ADAMTS17: variants seen among roughly 807,000 people sequenced by gnomAD.
ADAMTS17 encodes the protein A disintegrin and metalloproteinase with thrombospondin motifs 17.
In ADAMTS17, 113 loss-of-function variants were observed where a neutral mutation model predicts 141.5. That is an observed-to-expected ratio of 0.80 (90% CI 0.69 to 0.93). The LOEUF is 0.93. Ranked by LOEUF, ADAMTS17 falls within the 40% of genes least tolerant of loss-of-function variation. The pLI, the probability that ADAMTS17 is intolerant of heterozygous loss-of-function variation, is 0.00. For synonymous variants in ADAMTS17, 768 were observed against 630.6 expected, an observed-to-expected ratio of 1.22 and a Z score of -3.27; for missense variants, 1,659 against 1,517.9, an observed-to-expected ratio of 1.09 and a Z score of -1.54.
rs2046032853 is a variant in ADAMTS17, at chr15:100,330,951, G to A, written c.554C>T (p.Ser185Phe). 1 of 1,614,140 alleles carries A rather than the reference G, an allele frequency of 6.2e-7. No homozygotes were observed. ...CTCAGCAGAAGGGCTGGGGGTCAAG[G>A]ACCATTTGCGCCTGATCAGATGTTC... ...GREHLIRRKW[S>F]LTPSPSAEAQ... Residue 185 changes from serine to phenylalanine, a missense_variant, in exon 3 of 22, where the codon TCC becomes TTC. Transcript: ENST00000268070.
intron 7 of ADAMTS17, among the ~76,000 whole-genome samples, chr15:100,220,459 G>C (rs971856198): frequency 4.6e-5 from 7 of 152,160 alleles, no homozygotes; most frequent in African/African-American, 9.7e-5. Context: ...CCTCCACTTA[G>C]ATGTAACAAC....
chr15:100,238,045 C>T (rs2042712424), intron 7 of ADAMTS17, among the ~76,000 whole-genome samples: 1 of 152,218 alleles, frequency 6.6e-6, no homozygotes. Context: ...CCCAAGGGTA[C>T]CCAGCTTGCT....
intron 8 of ADAMTS17, among the ~76,000 whole-genome samples, chr15:100,185,376 T>C (rs188159493): frequency 6.6e-6 from 1 of 152,338 alleles, no homozygotes; most frequent in African/African-American, 2.4e-5. Flanking sequence ...TTACTACACC[T>C]GTGAACCCAC....
At chr15:100,114,841 C>G (rs7177081) in intron 13 of ADAMTS17, among the ~76,000 whole-genome samples, 103,698 of 152,132 alleles carry the variant, frequency 0.68, 36,338 homozygotes, top group African/African-American at 0.85. Flanking sequence ...GGCAACGAAA[C>G]AGTCCAGCCA....
At chr15:100,061,297 C>G (rs1375988146) in intron 15 of ADAMTS17, among the ~76,000 whole-genome samples, 1 of 152,196 alleles carries the variant, frequency 6.6e-6, no homozygotes, top group Non-Finnish European at 1.5e-5. Flanking sequence ...AGACACCAAG[C>G]CCCCTGAAGC....
intron 12 of ADAMTS17, among the ~76,000 whole-genome samples, chr15:100,131,289 A>G (rs1231710183): frequency 6.6e-6 from 1 of 151,490 alleles, no homozygotes; most frequent in Non-Finnish European, 1.5e-5. Flanking sequence ...TGATGGGTGC[A>G]GCAAACCACC....
At chr15:99,977,384 ATATATATATATATATAATTTT>A (rs2060376992) in intron 20 of ADAMTS17, among the ~76,000 whole-genome samples, 1 of 14,778 alleles carries the variant, frequency 6.8e-5, no homozygotes, top group African/African-American at 2.7e-4. Flanking sequence ...ATATATATAT[ATATATATATATATATAATTTT>A]TTTTTTTTTT....
At position 100,223,737 on chromosome 15, in the gene ADAMTS17, T is replaced by C. The variant is rs193167074; in HGVS notation, c.1076-24314A>G. On this transcript the variant is annotated intron_variant, in intron 7 of 21. Coordinates refer to ENST00000268070, the MANE Select transcript of ADAMTS17 (RefSeq NM_139057.4). ...TATACATATAGTGTATATATACACA[T>C]GTATGTGTATATATATATACACACA... Among the ~76,000 whole-genome samples, 711 of 144,116 alleles carry C rather than the reference T, an allele frequency of 4.9e-3. 11 individuals carry two copies. Among genetic ancestry groups the C allele is most frequent in the African/African-American group, 0.02 (698 of 35,264 alleles). The allele number at this position is 144,116 out of a possible 152,430, so 94.5% of individuals were successfully genotyped here. A position where few individuals can be genotyped will look rare whatever the true frequency, so the allele number is the denominator to read the frequency against.
intron 15 of ADAMTS17, among the ~76,000 whole-genome samples, chr15:100,056,453 G>A (rs1318809377): frequency 6.6e-6 from 1 of 151,694 alleles, no homozygotes; most frequent in Non-Finnish European, 1.5e-5. Flanking sequence ...AAGTGGGGTG[G>A]CGGGGGATGG....
chr15:100,083,792 T>C (rs1274495784), intron 15 of ADAMTS17, among the ~76,000 whole-genome samples: 4 of 150,916 alleles, frequency 2.7e-5, no homozygotes, highest in African/African-American at 7.3e-5. Context: ...GGAATAGTGA[T>C]GCTGGCATGC....
chr15:100,094,538 G>A (rs1402330820), intron 15 of ADAMTS17, among the ~76,000 whole-genome samples: 1 of 152,244 alleles, frequency 6.6e-6, no homozygotes, highest in Non-Finnish European at 1.5e-5. Flanking sequence ...GAGATCCTAT[G>A]TTAGTTAGAT....
chr15:100,268,824 C>A (rs11854216), intron 4 of ADAMTS17, among the ~76,000 whole-genome samples: 1 of 151,286 alleles, frequency 6.6e-6, no homozygotes, highest in Non-Finnish European at 1.5e-5. Flanking sequence ...ACAGCCAAAG[C>A]AATCCTAAGC....
chr15:99,985,557 G>C (rs1271279785), intron 20 of ADAMTS17, among the ~76,000 whole-genome samples: 1 of 152,218 alleles, frequency 6.6e-6, no homozygotes, highest in African/African-American at 2.4e-5. Flanking sequence ...GCTGGGGAGA[G>C]AGCAGACAGA....
At chr15:100,255,617 AACAC>A (rs10529356) in intron 6 of ADAMTS17, among the ~76,000 whole-genome samples, 4 of 140,174 alleles carry the variant, frequency 2.9e-5, no homozygotes, top group African/African-American at 5.4e-5. Context: ...TGTTTTGAGC[AACAC>A]ACACACACAC....
intron 3 of ADAMTS17, among the ~76,000 whole-genome samples, chr15:100,297,463 A>G (rs578176451): frequency 2.8e-4 from 43 of 152,182 alleles, no homozygotes; most frequent in Non-Finnish European, 6.0e-4. Flanking sequence ...CTGGACAAGG[A>G]AGGCAACTGC....
At chr15:100,183,454 GT>G (rs748273802) in intron 8 of ADAMTS17, among the ~76,000 whole-genome samples, 1 of 152,000 alleles carries the variant, frequency 6.6e-6, no homozygotes, top group Non-Finnish European at 1.5e-5. Flanking sequence ...TGAGAATTTT[GT>G]TGTTGTTCCT....
chr15:100,267,177 T>G (rs11634523), intron 4 of ADAMTS17, among the ~76,000 whole-genome samples: 32,775 of 150,336 alleles, frequency 0.22, 3,925 homozygotes, highest in Non-Finnish European at 0.25. Flanking sequence ...CCAACCCCCA[T>G]TCTACTTTGT....
At position 99,976,261 on chromosome 15, in the gene ADAMTS17, G is replaced by A. The variant is rs779343320; in HGVS notation, c.2950-39C>T. 2.0e-6 allele frequency: 3 copies of A among 1,537,344 alleles called. No homozygotes were observed. The African/African-American group carries it at 4.1e-5, about 21-fold the overall frequency. On this transcript the variant is annotated intron_variant, in intron 20 of 21. Transcript: ENST00000268070. ...ACAGCCTGAGTGGGGCTGACATGAGGTCAAGGGACTGGGATGATGGCCTCA... is the reference window on the plus strand; with the variant it reads ...ACAGCCTGAGTGGGGCTGACATGAGATCAAGGGACTGGGATGATGGCCTCA...
rs1596392942 is a variant in ADAMTS17, at chr15:100,264,600, G to T, written c.790-2165C>A. Among the ~76,000 whole-genome samples, 4 of 152,302 alleles carry T rather than the reference G, an allele frequency of 2.6e-5. No individual in the cohort carries two copies. In the South Asian group the frequency reaches 6.2e-4, roughly 24 times the overall value. On this transcript the variant is annotated intron_variant, in intron 4 of 21. Transcript: ENST00000268070. ...TATGCCACAAAAGGAAAGACTGCAA[G>T]GAACAGTGCAAGTTTCAGGAAGAAC...
Sources: gnomAD v4.1 joint callset for allele counts (sites outside exome capture counted in the v4.1 genomes callset) on GRCh38, gnomAD v4.1.1 for gene constraint, MANE v1.5 for transcripts, NCBI Gene and HGNC (gene_info 2026-07-23, HGNC 2026-07-21) for gene names.